Variants in MSH3 observed in about 807,000 individuals in gnomAD.
The protein encoded by MSH3 is mutS homolog 3.
Under a neutral mutation model 123.3 loss-of-function variants are expected in MSH3, and 106 were observed. The ratio of observed to expected loss-of-function variants is 0.86; its 90% confidence interval spans 0.73 to 1.01. MSH3 has a LOEUF of 1.01. Ranked by LOEUF, MSH3 falls within the 50% of genes least tolerant of loss-of-function variation. The probability of loss-of-function intolerance (pLI) is 0.00; values close to 1 mark genes in which losing one functional copy is unlikely to be tolerated. For synonymous variants in MSH3, 515 were observed against 481.4 expected, an observed-to-expected ratio of 1.07 and a Z score of -0.91; for missense variants, 1,459 against 1,347.6, an observed-to-expected ratio of 1.08 and a Z score of -1.29.
chr5:80,801,876 C>T (rs543707262), intron 19 of MSH3, among the ~76,000 whole-genome samples: 1 of 152,190 alleles, frequency 6.6e-6, no homozygotes, highest in African/African-American at 2.4e-5. Context: ...CACTAGAAAC[C>T]ACCTTTCTTT....
rs549775620 is a variant in MSH3 at position 80,854,008 on chromosome 5, A to G, written c.2814-122A>G. On this transcript the variant is annotated intron_variant, in intron 20 of 23. Coordinates refer to ENST00000265081, the MANE Select transcript of MSH3 (RefSeq NM_002439.5). The stretch of plus-strand genomic sequence containing the variant: ...TCTTTTGTTTAATTTAATTTGAGCT[A>G]TTATTGGCTCAAAATATATAGATTC... 1.0e-5 allele frequency: 8 copies of G among 795,180 alleles called. No individual in the cohort carries two copies. The South Asian group carries it at 1.2e-4, about 12-fold the overall frequency. 49.3% of individuals were successfully genotyped at this position (795,180 alleles called of 1,614,324 possible).
At chr5:80,661,869 C>T (rs909627406) in intron 2 of MSH3, among the ~76,000 whole-genome samples, 23 of 152,116 alleles carry the variant, frequency 1.5e-4, no homozygotes, top group Admixed American at 3.3e-4. Flanking sequence ...TTTTAAACTT[C>T]GGTAGAGAAT....
intron 20 of MSH3, among the ~76,000 whole-genome samples, chr5:80,832,096 C>T (rs1158176095): frequency 6.7e-6 from 1 of 150,020 alleles, no homozygotes; most frequent in African/African-American, 2.5e-5. Flanking sequence ...GGCGACAAGG[C>T]GAGACTCCTT....
intron 8 of MSH3, among the ~76,000 whole-genome samples, chr5:80,703,740 G>A (rs768063992): frequency 1.3e-5 from 2 of 152,012 alleles, no homozygotes; most frequent in Non-Finnish European, 2.9e-5. Flanking sequence ...CACTCCTGCT[G>A]TTATCCTGTA....
chr5:80,733,115 A>C (rs1561459548), intron 10 of MSH3, among the ~76,000 whole-genome samples: 1 of 152,172 alleles, frequency 6.6e-6, no homozygotes, highest in Non-Finnish European at 1.5e-5. Flanking sequence ...AAAAAAAGAC[A>C]GTGTGGAATT....
At chr5:80,813,788 G>A (rs372658960) in intron 20 of MSH3, 47 bp downstream of exon 20, 2 of 1,596,522 alleles carry the variant, frequency 1.3e-6, no homozygotes, top group South Asian at 2.2e-5. Context: ...AATAAGTCAA[G>A]CCCACATTAT....
intron 20 of MSH3, among the ~76,000 whole-genome samples, chr5:80,838,946 A>G (rs965491162): frequency 6.6e-6 from 1 of 152,226 alleles, no homozygotes; most frequent in Non-Finnish European, 1.5e-5. Context: ...TAATGCCAAG[A>G]AATAGATACA....
At chr5:80,832,038 A>T (rs1745428219) in intron 20 of MSH3, among the ~76,000 whole-genome samples, 1 of 152,222 alleles carries the variant, frequency 6.6e-6, no homozygotes, top group South Asian at 2.1e-4. Flanking sequence ...TGAACCCGGG[A>T]GGCGGAGCTT....
chr5:80,761,051 A>G (rs532915589), intron 12 of MSH3, among the ~76,000 whole-genome samples: 2 of 152,276 alleles, frequency 1.3e-5, no homozygotes, highest in African/African-American at 4.8e-5. Context: ...AGGACCAGAT[A>G]TATTGTTGTA....
intron 12 of MSH3, among the ~76,000 whole-genome samples, chr5:80,759,113 G>T (rs1464504315): frequency 6.6e-6 from 1 of 152,146 alleles, no homozygotes; most frequent in African/African-American, 2.4e-5. Context: ...GAATGAAATT[G>T]AATCGAATAA....
chr5:80,756,350 A>G (rs1743925316), intron 12 of MSH3, among the ~76,000 whole-genome samples: 1 of 152,196 alleles, frequency 6.6e-6, no homozygotes, highest in South Asian at 2.1e-4. Flanking sequence ...AGAATGCAGC[A>G]CAGGGTGGCA....
At chr5:80,687,093 A>T (rs921148802) in intron 8 of MSH3, among the ~76,000 whole-genome samples, 2 of 152,238 alleles carry the variant, frequency 1.3e-5, no homozygotes, top group African/African-American at 4.8e-5. Context: ...CAAATATTAG[A>T]GATGATAGTA....
At chr5:80,810,221 G>C (rs1393344753) in intron 19 of MSH3, among the ~76,000 whole-genome samples, 1 of 130,406 alleles carries the variant, frequency 7.7e-6, no homozygotes, top group Non-Finnish European at 1.7e-5. Flanking sequence ...ATCATGTTTT[G>C]TGTATTTTAA....
At chr5:80,698,803 G>A (rs836816) in intron 8 of MSH3, among the ~76,000 whole-genome samples, 35,229 of 148,388 alleles carry the variant, frequency 0.24, 4,296 homozygotes, top group Middle Eastern at 0.31. Context: ...GGGGCCTGTT[G>A]TGGGGTGGTG....
chr5:80,844,786 A>G (rs1040157332), intron 20 of MSH3, among the ~76,000 whole-genome samples: 1 of 151,292 alleles, frequency 6.6e-6, no homozygotes, highest in African/African-American at 2.4e-5. Flanking sequence ...TTTTGAGCCT[A>G]TGTGTGTTTT....
At chr5:80,715,070 G>A (rs1750934367) in intron 8 of MSH3, 1 of 152,142 alleles carries the variant, frequency 6.6e-6, no homozygotes, top group Non-Finnish European at 1.5e-5. Flanking sequence ...TTGAATATCT[G>A]TTAATCTGTT....
In MSH3 at chr5:80,654,699, TGCCGCCG is replaced by T; in HGVS notation, c.-27_-21del. The T allele has an allele frequency of 6.4e-7, 1 of 1,574,734 alleles. No homozygotes were observed. Among genetic ancestry groups the T allele is most frequent in the Non-Finnish European group, 8.6e-7 (1 of 1,163,086 alleles). ...CGGGCTCGCGCTCCTCGCCAGGCCC[TGCCGCCG>T]GGCTGCCATCCTTGCCCTGCCATGT... On this transcript the variant is annotated 5_prime_UTR_variant, in exon 1 of 24. Coordinates refer to ENST00000265081, the MANE Select transcript of MSH3 (RefSeq NM_002439.5).
intron 7 of MSH3, among the ~76,000 whole-genome samples, chr5:80,676,436 A>G (rs1014193078): frequency 1.3e-5 from 2 of 152,248 alleles, no homozygotes; most frequent in African/African-American, 2.4e-5. Flanking sequence ...GCCCTTCAGA[A>G]CAATCAGACA....
chr5:80,835,989 T>C (rs1346874856), intron 20 of MSH3, among the ~76,000 whole-genome samples: 1 of 152,174 alleles, frequency 6.6e-6, no homozygotes, highest in Non-Finnish European at 1.5e-5. Context: ...TATATTACTA[T>C]AATAAGCTTT....
Sources: gnomAD v4.1 joint callset for allele counts (sites outside exome capture counted in the v4.1 genomes callset) on GRCh38, gnomAD v4.1.1 for gene constraint, MANE v1.5 for transcripts, NCBI Gene and HGNC (gene_info 2026-07-23, HGNC 2026-07-21) for gene names.